Variants in LIFR observed in about 807,000 individuals in gnomAD.
The protein encoded by LIFR is leukemia inhibitory factor receptor.
A neutral mutation model predicts 122.2 loss-of-function variants in LIFR; 84 were observed. That is an observed-to-expected ratio of 0.69 (90% confidence interval 0.58 to 0.82). The LOEUF is 0.82. LIFR is among the 40% of genes least tolerant of loss of function. The pLI is 0.00. For synonymous variants in LIFR, 422 were observed against 434.7 expected, an observed-to-expected ratio of 0.97 and a Z score of 0.36; for missense variants, 1,294 against 1,311.6, an observed-to-expected ratio of 0.99 and a Z score of 0.21.
intron 1 of LIFR, chr5:38,554,921 C>T (rs966912608): frequency 6.6e-6 from 1 of 152,202 alleles, no homozygotes; most frequent in Non-Finnish European, 1.5e-5. Flanking sequence ...TTTGCTCCTT[C>T]AACAGCAGAG....
chr5:38,551,471 T>C (rs532128475), intron 1 of LIFR, among the ~76,000 whole-genome samples: 5 of 152,196 alleles, frequency 3.3e-5, no homozygotes, highest in Non-Finnish European at 7.3e-5. Context: ...CACCAGATGT[T>C]CCACAATTCA....
chr5:38,569,465 G>A (rs1219670991), intron 1 of LIFR, among the ~76,000 whole-genome samples: 1 of 152,116 alleles, frequency 6.6e-6, no homozygotes, highest in African/African-American at 2.4e-5. Context: ...CAGATCAGCA[G>A]CAGCATTAGA....
chr5:38,590,846 G>A (rs1454366297), intron 1 of LIFR, among the ~76,000 whole-genome samples: 1 of 152,200 alleles, frequency 6.6e-6, no homozygotes, highest in African/African-American at 2.4e-5. Context: ...TGACACCAGT[G>A]ACTGCAAATG....
At chr5:38,579,131 A>AC (rs1381940208) in intron 1 of LIFR, 1 of 152,264 alleles carries the variant, frequency 6.6e-6, no homozygotes, top group Non-Finnish European at 1.5e-5. Flanking sequence ...TTATGCATTT[A>AC]CATTTCCATT....
chr5:38,530,644 T>A lies in LIFR; in HGVS notation c.4A>T (p.Met2Leu). ...CGTTTCAAACATACGTAAATATCCA[T>A]CATCTGTGCAATGCAGTCAGTCCTA... is the stretch of plus-strand genomic sequence containing the variant. M[M>L]DIYVCLKRPS... The change falls in exon 2 of 20, where the codon ATG becomes TTG. Residue 2 changes from methionine (M) to leucine (L), a missense_variant. Coordinates refer to ENST00000453190, the MANE Select transcript of LIFR (RefSeq NM_001127671.2). 1 of 1,613,930 alleles carries A rather than the reference T, an allele frequency of 6.2e-7. No individual in the cohort carries two copies. The highest frequency in any genetic ancestry group is 1.1e-5 in the South Asian group (1 of 91,082).
At chr5:38,549,427 T>G (rs1748077510) in intron 1 of LIFR, among the ~76,000 whole-genome samples, 1 of 152,198 alleles carries the variant, frequency 6.6e-6, no homozygotes, top group Non-Finnish European at 1.5e-5. Flanking sequence ...ATCACATGTA[T>G]GCACCACAAT....
At chr5:38,562,485 A>T (rs1476435807) in intron 1 of LIFR, among the ~76,000 whole-genome samples, 2 of 152,222 alleles carry the variant, frequency 1.3e-5, no homozygotes, top group East Asian at 3.8e-4. Context: ...AGCCCATCGT[A>T]CATCCAGAAT....
chr5:38,579,212 C>A (rs962422013), intron 1 of LIFR: 5 of 152,048 alleles, frequency 3.3e-5, no homozygotes, highest in African/African-American at 7.2e-5. Flanking sequence ...GCAAAGGATA[C>A]AAAGAATAGA....
At chr5:38,571,879 G>A (rs1050894444) in intron 1 of LIFR, among the ~76,000 whole-genome samples, 2 of 152,142 alleles carry the variant, frequency 1.3e-5, no homozygotes, top group African/African-American at 4.8e-5. Context: ...AAACTAACTT[G>A]CCTGTGGAAT....
At chr5:38,551,801 G>C (rs996223382) in intron 1 of LIFR, among the ~76,000 whole-genome samples, 3 of 152,292 alleles carry the variant, frequency 2.0e-5, no homozygotes, top group African/African-American at 7.2e-5. Flanking sequence ...CAACATGAAA[G>C]CATAGAATAG....
chr5:38,540,160 A>T (rs561385809), intron 1 of LIFR, among the ~76,000 whole-genome samples: 1 of 152,146 alleles, frequency 6.6e-6, no homozygotes, highest in Non-Finnish European at 1.5e-5. Context: ...CTCGCAGATA[A>T]ATCACCTAAC....
chr5:38,606,740 A>T (rs1580258164), intron 1 of LIFR, among the ~76,000 whole-genome samples: 2 of 152,186 alleles, frequency 1.3e-5, no homozygotes, highest in Non-Finnish European at 2.9e-5. Context: ...CAGGTTCCAA[A>T]TTCATGCCTG....
At chr5:38,534,688 A>G (rs1747200272) in intron 1 of LIFR, among the ~76,000 whole-genome samples, 1 of 152,172 alleles carries the variant, frequency 6.6e-6, no homozygotes, top group African/African-American at 2.4e-5. Flanking sequence ...GGCCATACAC[A>G]AGGGCTCAGG....
chr5:38,496,594 G>A lies in LIFR; in HGVS notation c.1673C>T (p.Pro558Leu), dbSNP rs1744891649. Residue 558 changes from proline to leucine, a missense_variant and splice_region_variant, in exon 13 of 20, where the codon CCT (proline) becomes CTT (leucine). Pro to Leu is a moderately conservative substitution (Grantham distance 98). Coordinates refer to ENST00000453190, the MANE Select transcript of LIFR (RefSeq NM_001127671.2). ...TCCATTAGCTTCATTAATGGGTAAA[G>A]GCTATGAAAAACAGACAAATTGTTA... ...DGKNLIIYWK[P>L]LPINEANGKI... The A allele has an allele frequency of 6.2e-7, 1 of 1,605,602 alleles. No homozygotes were observed. Among genetic ancestry groups the A allele is most frequent in the Non-Finnish European group, 8.5e-7 (1 of 1,172,326 alleles).
chr5:38,533,446 A>T (rs1383985688), intron 1 of LIFR, among the ~76,000 whole-genome samples: 1 of 152,232 alleles, frequency 6.6e-6, no homozygotes, highest in African/African-American at 2.4e-5. Context: ...AGTCCTGTCA[A>T]CACGGGCCCC....
At position 38,481,684 on chromosome 5, in the gene LIFR, A is replaced by T. The variant is rs1457029124; in HGVS notation, c.3205T>A (p.Leu1069Met). The stretch of plus-strand genomic sequence containing the variant: ...GAGTCTTCATCTTTAGGAGGAATCA[A>T]AAATTGTCGGGAATTAATGGAGCAT... ...SPCSINSRQF[L>M]IPPKDEDSPK... Residue 1069 changes from leucine (L) to methionine (M), a missense_variant, in exon 20 of 20, where the codon TTG becomes ATG. Transcript: ENST00000453190. The T allele has an allele frequency of 6.2e-7, 1 of 1,614,060 alleles. No homozygotes were observed. The highest frequency in any genetic ancestry group is 1.3e-5 in the African/African-American group (1 of 74,936).
chr5:38,495,723 G>A (rs1474301177), intron 13 of LIFR, among the ~76,000 whole-genome samples: 1 of 152,192 alleles, frequency 6.6e-6, no homozygotes, highest in East Asian at 1.9e-4. Context: ...GTCTGTGGAA[G>A]AAGAGGTGGA....
chr5:38,477,705 A>T lies in LIFR; in HGVS notation c.*3890T>A. 1 of 218,124 alleles carries T rather than the reference A, an allele frequency of 4.6e-6. No homozygotes were observed. The highest frequency in any genetic ancestry group is 5.8e-5 in the Admixed American group (1 of 17,202). 13.5% of individuals were successfully genotyped at this position (218,124 alleles called of 1,614,324 possible). A position where few individuals can be genotyped will look rare whatever the true frequency, so the allele number is the denominator to read the frequency against. ...CAATAGTCTCAGATCCACACAAGCT[A>T]GATTTTGGTGTGTATCACCCTTCAG... On this transcript the variant is annotated 3_prime_UTR_variant, in exon 20 of 20. Coordinates refer to ENST00000453190, the MANE Select transcript of LIFR (RefSeq NM_001127671.2).
chr5:38,573,296 A>G (rs1749274488), intron 1 of LIFR, among the ~76,000 whole-genome samples: 1 of 152,194 alleles, frequency 6.6e-6, no homozygotes, highest in Admixed American at 6.5e-5. Context: ...CTTACTAACT[A>G]GGTGATCTCA....
Sources: allele counts gnomAD v4.1 joint callset (sites outside exome capture counted in the v4.1 genomes callset), GRCh38; gene constraint gnomAD v4.1.1; transcripts MANE v1.5; gene names NCBI Gene and HGNC (gene_info 2026-07-23, HGNC 2026-07-21).